FAM47E: variants seen among roughly 807,000 people sequenced by gnomAD.
The protein encoded by FAM47E is family with sequence similarity 47 member E.
Under a neutral mutation model 41.6 loss-of-function variants are expected in FAM47E, and 32 were observed. The observed-to-expected ratio is 0.77, with a 90% CI of 0.58 to 1.03. The LOEUF is 1.03. Among genes scored for constraint, FAM47E ranks in the 50% least tolerant of loss-of-function variants. The probability of loss-of-function intolerance (pLI) is 0.00; values close to 1 mark genes in which losing one functional copy is unlikely to be tolerated. For synonymous variants in FAM47E, 184 were observed against 188.7 expected (o/e 0.98, Z 0.20); for missense variants, 424 against 485.4 (o/e 0.87, Z 1.19).
intron 1 of FAM47E, among the ~76,000 whole-genome samples, chr4:76,216,431 G>A (rs886072072): frequency 1.3e-5 from 2 of 152,042 alleles, no homozygotes; most frequent in Non-Finnish European, 2.9e-5. Flanking sequence ...TCTGTTTGCG[G>A]GCTCCATTCT....
intron 1 of FAM47E, among the ~76,000 whole-genome samples, chr4:76,254,564 A>C (rs1734109149): frequency 6.6e-6 from 1 of 152,180 alleles, no homozygotes; most frequent in Admixed American, 6.5e-5. Flanking sequence ...CCTTAAAACA[A>C]CACCTACACA....
chr4:76,282,937 T>C (rs2110032617), intron 7 of FAM47E: 1 of 156,104 alleles, frequency 6.4e-6, no homozygotes, highest in African/African-American at 2.4e-5. Context: ...CTTAAATCTA[T>C]ATGTGAACAT....
intron 2 of FAM47E, among the ~76,000 whole-genome samples, chr4:76,244,365 A>G (rs1165137302): frequency 6.6e-6 from 1 of 152,112 alleles, no homozygotes; most frequent in Non-Finnish European, 1.5e-5. Flanking sequence ...CCAACAGTGT[A>G]AAAGCATACC....
intron 7 of FAM47E, chr4:76,282,050 TAGAAGTACAGTACATTTGTATGTAGA>T (rs2110031533): frequency 1.8e-5 from 1 of 56,976 alleles, no homozygotes; most frequent in African/African-American, 4.4e-5. Flanking sequence ...CATTTGTATG[TAGAAGTACAGTACATTTGTATGTAGA>T]AGTACAGTGT....
At chr4:76,276,039 C>CAG (rs1439706236) in intron 5 of FAM47E, among the ~76,000 whole-genome samples, 25 of 58,466 alleles carry the variant, frequency 4.3e-4, no homozygotes, top group South Asian at 1.3e-3. Context: ...GACAGACAGA[C>CAG]ACACACACAC....
At position 76,282,172 on chromosome 4, in the gene FAM47E, A is replaced by G. The variant is rs565381891; in HGVS notation, c.1105-1209A>G. 30 of 152,350 alleles carry G rather than the reference A, an allele frequency of 2.0e-4. 1 individual carries two copies. Among genetic ancestry groups the G allele is most frequent in the South Asian group, 1.2e-3 (6 of 4,830 alleles). The allele number at this position is 152,350 out of a possible 1,614,324, so 9.4% of individuals were successfully genotyped here. ...TAGAAACACAATCTTTCCATAACCT[A>G]TGATTAGCAAGATATTAATCAACAG... On this transcript the variant is annotated intron_variant, in intron 7 of 7. Coordinates refer to ENST00000424749, the MANE Select transcript of FAM47E (RefSeq NM_001136570.3).
chr4:76,231,775 A>G (rs1733497617), intron 2 of FAM47E, among the ~76,000 whole-genome samples: 1 of 152,192 alleles, frequency 6.6e-6, no homozygotes. Context: ...TTAAGGTTCC[A>G]AGATAAACTT....
intron 2 of FAM47E, among the ~76,000 whole-genome samples, chr4:76,238,714 A>T (rs1279743608): frequency 2.0e-5 from 3 of 152,116 alleles, no homozygotes; most frequent in African/African-American, 4.8e-5. Context: ...GACAACATTT[A>T]AAAAAACTTT....
intron 2 of FAM47E, among the ~76,000 whole-genome samples, chr4:76,228,245 A>AG (rs1733432345): frequency 6.6e-6 from 1 of 152,088 alleles, no homozygotes; most frequent in African/African-American, 2.4e-5. Context: ...GGGGAGGCTG[A>AG]GGGGGGTGCA....
intron 2 of FAM47E, among the ~76,000 whole-genome samples, chr4:76,263,184 A>G (rs187849482): frequency 2.4e-4 from 36 of 152,306 alleles, no homozygotes; most frequent in South Asian, 1.0e-3. Context: ...GTATGCGTTT[A>G]TACATATCAC....
intron 2 of FAM47E, among the ~76,000 whole-genome samples, chr4:76,223,282 G>T (rs1374988731): frequency 6.6e-6 from 1 of 152,136 alleles, no homozygotes; most frequent in Non-Finnish European, 1.5e-5. Flanking sequence ...CCTGTGAAAG[G>T]CTTTGGGAGA....
chr4:76,276,012 GGACAGACAGACA>G (rs750155309), intron 5 of FAM47E, among the ~76,000 whole-genome samples: 1 of 139,886 alleles, frequency 7.1e-6, no homozygotes, highest in East Asian at 2.5e-4. Context: ...ATGATGCATG[GGACAGACAGACA>G]GACAGACAGA....
chr4:76,258,073 G>A (rs1467796649), intron 2 of FAM47E, among the ~76,000 whole-genome samples: 3 of 152,154 alleles, frequency 2.0e-5, no homozygotes, highest in African/African-American at 7.2e-5. Flanking sequence ...GAGATTGATT[G>A]TTTCCACACC....
intron 2 of FAM47E, among the ~76,000 whole-genome samples, chr4:76,231,100 T>C (rs1185213683): frequency 7.1e-6 from 1 of 141,058 alleles, no homozygotes; most frequent in Non-Finnish European, 1.5e-5. Flanking sequence ...GGTGAAACCG[T>C]AGAACTGAGT....
chr4:76,266,288 G>T (rs973453334), intron 3 of FAM47E, among the ~76,000 whole-genome samples: 1 of 152,132 alleles, frequency 6.6e-6, no homozygotes, highest in African/African-American at 2.4e-5. Flanking sequence ...TCTGTATATG[G>T]TTAATTCAGT....
intron 5 of FAM47E, among the ~76,000 whole-genome samples, chr4:76,275,677 T>C (rs1003645479): frequency 1.3e-5 from 2 of 152,134 alleles, no homozygotes; most frequent in Non-Finnish European, 2.9e-5. Context: ...GGTGAGGGCA[T>C]GTTTACAAAG....
chr4:76,218,801 G>A (rs1733259122), intron 2 of FAM47E, among the ~76,000 whole-genome samples: 1 of 152,146 alleles, frequency 6.6e-6, no homozygotes, highest in Non-Finnish European at 1.5e-5. Flanking sequence ...CGAGGAGTCA[G>A]GAGATCAAAG....
At chr4:76,220,897 C>G (rs7675963) in intron 2 of FAM47E, among the ~76,000 whole-genome samples, 82,469 of 152,012 alleles carry the variant, frequency 0.54, 23,561 homozygotes, top group African/African-American at 0.6. Context: ...GCTGGGACCA[C>G]AGGGGTTTCT....
At chr4:76,255,067 A>T (rs946372155) in intron 1 of FAM47E, among the ~76,000 whole-genome samples, 7 of 152,162 alleles carry the variant, frequency 4.6e-5, no homozygotes, top group African/African-American at 1.4e-4. Context: ...TCCTTGGATA[A>T]GTGGACCCAC....
Sources: gnomAD v4.1 joint callset for allele counts (sites outside exome capture counted in the v4.1 genomes callset) on GRCh38, gnomAD v4.1.1 for gene constraint, MANE v1.5 for transcripts, NCBI Gene and HGNC (gene_info 2026-07-23, HGNC 2026-07-21) for gene names.